Variants in MED29 observed in about 807,000 individuals in gnomAD.
The protein encoded by MED29 is mediator complex subunit 29.
A neutral mutation model predicts 22.0 loss-of-function variants in MED29; 14 were observed. The observed-to-expected ratio is 0.64, with a 90% CI of 0.42 to 0.99. MED29 has a LOEUF of 0.99. MED29 is among the 50% of genes least tolerant of loss of function. MED29 has a pLI of 0.00. For synonymous variants in MED29, 123 were observed against 107.8 expected, an observed-to-expected ratio of 1.14 and a Z score of -0.87; for missense variants, 241 against 253.7, an observed-to-expected ratio of 0.95 and a Z score of 0.34.
At chr19:39,395,044 G>A (rs929089378) in intron 3 of MED29, among the ~76,000 whole-genome samples, 5 of 151,922 alleles carry the variant, frequency 3.3e-5, no homozygotes, top group African/African-American at 4.8e-5. Flanking sequence ...TGTAGAGACG[G>A]GGTTTTGCCA....
rs1384670812 is a variant in MED29, at chr19:39,398,745, G to A, written c.*1046G>A. 2 of 152,254 alleles carry A rather than the reference G, an allele frequency of 1.3e-5. No individual in the cohort carries two copies. Among genetic ancestry groups the A allele is most frequent in the Non-Finnish European group, 2.9e-5 (2 of 68,080 alleles). 9.4% of individuals were successfully genotyped at this position (152,254 alleles called of 1,614,324 possible). On this transcript the variant is annotated 3_prime_UTR_variant, in exon 4 of 4. Transcript: ENST00000315588. ...CTACCAGCCCAGGCTCAGATGTTGGGGTGTGAAAGCCTCAAGTGACTCAGC... is the reference window on the plus strand; with the variant it reads ...CTACCAGCCCAGGCTCAGATGTTGGAGTGTGAAAGCCTCAAGTGACTCAGC...
chr19:39,391,749 C>CTG (rs2078382677), intron 1 of MED29, 111 bp downstream of exon 1: 4 of 1,306,912 alleles, frequency 3.1e-6, no homozygotes, highest in Middle Eastern at 2.1e-4. Context: ...ATAGAACCTG[C>CTG]TGTTTTGGCC....
intron 2 of MED29, 101 bp downstream of exon 2, chr19:39,392,623 A>AATTTTTTT: frequency 1.6e-6 from 1 of 619,054 alleles, no homozygotes; most frequent in Non-Finnish European, 2.2e-6. Context: ...TTCTATATTT[A>AATTTTTTT]CTTTTTTTTT....
intron 3 of MED29, among the ~76,000 whole-genome samples, chr19:39,396,943 A>T (rs1363995579): frequency 3.3e-5 from 5 of 151,244 alleles, no homozygotes; most frequent in Non-Finnish European, 5.9e-5. Flanking sequence ...CAGGAGAATC[A>T]CTTGAACCTG....
chr19:39,393,776 A>C (rs1451653561), intron 3 of MED29, 139 bp downstream of exon 3: 6 of 744,550 alleles, frequency 8.1e-6, no homozygotes, highest in Non-Finnish European at 1.4e-5. Flanking sequence ...CACTGAGGAC[A>C]CAGGGTTGCT....
chr19:39,393,274 T>G (rs979350527), intron 2 of MED29, among the ~76,000 whole-genome samples: 1 of 151,660 alleles, frequency 6.6e-6, no homozygotes, highest in African/African-American at 2.4e-5. Context: ...TTTTGTATTT[T>G]TAGTAGAGAT....
At chr19:39,393,701 C>T (rs1395064089) in intron 3 of MED29, 64 bp downstream of exon 3, 2 of 1,349,694 alleles carry the variant, frequency 1.5e-6, no homozygotes, top group South Asian at 1.2e-5. Context: ...TCTTCAGAAA[C>T]AGTCAGTCAG....
Position 39,391,658 on chromosome 19 carries a change from G to A in MED29, c.216+20G>A, listed in dbSNP as rs756863428. ...CTACAGGTGATTGGCCTTAAGCAGC[G>A]AGAAGCAAACTGGATTTGGTAGTCT... On this transcript the variant is annotated intron_variant, in intron 1 of 3. Transcript: ENST00000315588. 4.5e-6 allele frequency: 7 copies of A among 1,554,940 alleles called. No homozygotes were observed. The highest frequency in any genetic ancestry group is 6.1e-6 in the Non-Finnish European group (7 of 1,149,724).
intron 1 of MED29, 150 bp downstream of exon 1, chr19:39,391,788 C>CTT: frequency 1.1e-6 from 1 of 939,274 alleles, no homozygotes; most frequent in Non-Finnish European, 1.5e-6. Context: ...GTTCCCAGCA[C>CTT]TTTGGGAGGC....
chr19:39,393,743 G>A, intron 3 of MED29, 106 bp downstream of exon 3: 1 of 920,428 alleles, frequency 1.1e-6, no homozygotes, highest in South Asian at 1.3e-5. Flanking sequence ...ACCTCCTGTG[G>A]GCCAGACCTG....
chr19:39,397,332 C>G (rs1600627514), intron 3 of MED29, 125 bp from the exon 4 acceptor site: 1 of 1,046,982 alleles, frequency 9.6e-7, no homozygotes. Context: ...ACTGGCAGGG[C>G]CAACCTCTGA....
At chr19:39,393,748 G>C (rs2078413186) in intron 3 of MED29, 111 bp downstream of exon 3, 3 of 884,426 alleles carry the variant, frequency 3.4e-6, no homozygotes, top group African/African-American at 3.3e-5. Flanking sequence ...CTGTGGGCCA[G>C]ACCTGTGCTT....
rs1213426762 is a variant in MED29, at chr19:39,393,072, CTTTCTTTTCTT to C, written c.276-477_276-467del. The stretch of plus-strand genomic sequence containing the variant: ...GCCTTTTCCTTTTCTTTCTTTCTTT[CTTTCTTTTCTT>C]TTTTTTTTTTTTTTTTTTTTTTTTT... On this transcript the variant is annotated intron_variant, in intron 2 of 3. Transcript: ENST00000315588. 3.4e-3 allele frequency among the ~76,000 whole-genome samples: 296 copies of C among 86,032 alleles called. 2 individuals are homozygous for C. The highest frequency in any genetic ancestry group is 8.4e-3 in the African/African-American group (181 of 21,574). The allele number at this position is 86,032 out of a possible 152,430, so 56.4% of individuals were successfully genotyped here.
At chr19:39,397,301 C>T (rs2078433731) in intron 3 of MED29, among the ~76,000 whole-genome samples, 156 bp from the exon 4 acceptor site, 1 of 152,172 alleles carries the variant, frequency 6.6e-6, no homozygotes, top group African/African-American at 2.4e-5. Context: ...GCCGCCATGC[C>T]CCCAGGTTCC....
chr19:39,393,739 T>C (rs2078413121), intron 3 of MED29, 102 bp downstream of exon 3: 1 of 960,804 alleles, frequency 1.0e-6, no homozygotes, highest in Non-Finnish European at 1.7e-6. Flanking sequence ...GGGGACCTCC[T>C]GTGGGCCAGA....
chr19:39,397,422 G>A (rs1388665981), intron 3 of MED29, 35 bp from the exon 4 acceptor site: 2 of 1,588,350 alleles, frequency 1.3e-6, no homozygotes, highest in Non-Finnish European at 1.7e-6. Flanking sequence ...ACCTCGGGTG[G>A]AGCTGATGCT....
chr19:39,395,664 A>T (rs1380108603), intron 3 of MED29, among the ~76,000 whole-genome samples: 1 of 152,214 alleles, frequency 6.6e-6, no homozygotes, highest in Non-Finnish European at 1.5e-5. Flanking sequence ...CATGCCTGTA[A>T]TCCCAGCACT....
chr19:39,393,850 C>CG (rs2078413690), intron 3 of MED29, among the ~76,000 whole-genome samples: 1 of 152,210 alleles, frequency 6.6e-6, no homozygotes, highest in Non-Finnish European at 1.5e-5. Flanking sequence ...TAAACAGTGA[C>CG]AGCTCAGAGT....
chr19:39,398,082 C>G lies in MED29; in HGVS notation c.*383C>G. ...CTGTGTCTCTATTACAGTTGTGTCT[C>G]TCTCATCCTGTCTCTTTTTCCCTTG... On this transcript the variant is annotated 3_prime_UTR_variant, in exon 4 of 4. Coordinates refer to ENST00000315588, the MANE Select transcript of MED29 (RefSeq NM_017592.4). 2.3e-6 allele frequency: 1 copy of G among 429,546 alleles called. No homozygotes were observed. The highest frequency in any genetic ancestry group is 4.2e-6 in the Non-Finnish European group (1 of 239,960). 26.6% of individuals were successfully genotyped at this position (429,546 alleles called of 1,614,324 possible).
Sources: gnomAD v4.1 joint callset for allele counts (sites outside exome capture counted in the v4.1 genomes callset) on GRCh38, gnomAD v4.1.1 for gene constraint, MANE v1.5 for transcripts, NCBI Gene and HGNC (gene_info 2026-07-23, HGNC 2026-07-21) for gene names.